The following MAML2 variants were observed in gnomAD, a reference collection of about 807,000 sequenced individuals.
MAML2 encodes mastermind like transcriptional coactivator 2.
Under a neutral mutation model 96.1 loss-of-function variants are expected in MAML2, and 22 were observed. The ratio of observed to expected loss-of-function variants is 0.23; its 90% CI spans 0.16 to 0.33. The LOEUF (loss-of-function observed/expected upper bound fraction) is 0.33. Ranked by LOEUF, MAML2 falls within the 10% of genes least tolerant of loss-of-function variation. The probability of loss-of-function intolerance (pLI) is 1.00; values close to 1 mark genes in which losing one functional copy is unlikely to be tolerated. For missense variants in MAML2, 1,367 were observed against 1,392.4 expected (o/e 0.98, Z 0.29); for synonymous variants, 561 against 521.3 (o/e 1.08, Z -1.04).
chr11:96,177,910 C>T (rs538444822), intron 1 of MAML2, among the ~76,000 whole-genome samples: 5 of 119,320 alleles, frequency 4.2e-5, no homozygotes, highest in African/African-American at 1.3e-4. Flanking sequence ...TATCTGGAGA[C>T]CTTAGTTGTG....
intron 2 of MAML2, among the ~76,000 whole-genome samples, chr11:96,017,955 T>A (rs1392538546): frequency 6.6e-6 from 1 of 152,166 alleles, no homozygotes; most frequent in Non-Finnish European, 1.5e-5. Context: ...ACATGATATA[T>A]GTTTTAAAGA....
At chr11:96,175,500 A>G (rs1008038047) in intron 1 of MAML2, among the ~76,000 whole-genome samples, 1 of 152,244 alleles carries the variant, frequency 6.6e-6, no homozygotes, top group Non-Finnish European at 1.5e-5. Flanking sequence ...TCTCCACTTT[A>G]GCAATATTTG....
intron 1 of MAML2, among the ~76,000 whole-genome samples, chr11:96,183,597 G>C (rs1342276197): frequency 6.6e-6 from 1 of 150,648 alleles, no homozygotes; most frequent in East Asian, 2.0e-4. Context: ...TGTAGCAACA[G>C]GGGGATCTCC....
chr11:96,326,444 T>C (rs910405878), intron 1 of MAML2, among the ~76,000 whole-genome samples: 16 of 151,538 alleles, frequency 1.1e-4, no homozygotes, highest in African/African-American at 3.9e-4. Context: ...GACCTTGGAG[T>C]CCAATTGCAT....
intron 2 of MAML2, among the ~76,000 whole-genome samples, chr11:96,050,005 C>T (rs1025488082): frequency 1.3e-5 from 2 of 152,154 alleles, no homozygotes; most frequent in Non-Finnish European, 2.9e-5. Flanking sequence ...ACGTTCTTTC[C>T]GAACAGTAAA....
chr11:96,068,917 T>C (rs1859293350), intron 2 of MAML2, among the ~76,000 whole-genome samples: 1 of 44,340 alleles, frequency 2.3e-5, no homozygotes, highest in Admixed American at 2.4e-4. Context: ...CTTCCCTCCT[T>C]TTTTTTTTTT....
intron 1 of MAML2, among the ~76,000 whole-genome samples, chr11:96,334,632 G>C (rs529486713): frequency 6.6e-6 from 1 of 152,172 alleles, no homozygotes; most frequent in African/African-American, 2.4e-5. Context: ...GAGGGCAAAG[G>C]CTATACTGAA....
chr11:96,144,999 C>A (rs1218664645), intron 1 of MAML2, among the ~76,000 whole-genome samples: 2 of 152,072 alleles, frequency 1.3e-5, no homozygotes, highest in African/African-American at 4.8e-5. Flanking sequence ...CTTTGTGATC[C>A]ATTAATAATA....
intron 1 of MAML2, among the ~76,000 whole-genome samples, chr11:96,126,231 A>G (rs1860435091): frequency 6.6e-6 from 1 of 152,190 alleles, no homozygotes; most frequent in Admixed American, 6.5e-5. Flanking sequence ...CAAGAATGTA[A>G]GATTTTCTGA....
At chr11:96,121,358 C>T (rs1273663637) in intron 1 of MAML2, among the ~76,000 whole-genome samples, 3 of 152,156 alleles carry the variant, frequency 2.0e-5, no homozygotes, top group Non-Finnish European at 4.4e-5. Flanking sequence ...CTTGAACTGC[C>T]TGCTATGGGG....
At chr11:96,291,113 G>GC (rs1863202098) in intron 1 of MAML2, among the ~76,000 whole-genome samples, 1 of 121,878 alleles carries the variant, frequency 8.2e-6, no homozygotes, top group Non-Finnish European at 1.7e-5. Context: ...TTTTTCACAA[G>GC]CCTTTTTTTT....
At chr11:96,318,996 C>T (rs1434198078) in intron 1 of MAML2, among the ~76,000 whole-genome samples, 1 of 152,144 alleles carries the variant, frequency 6.6e-6, no homozygotes, top group Non-Finnish European at 1.5e-5. Flanking sequence ...CTGGTTTGGC[C>T]TATGTGACCA....
At chr11:96,231,312 T>C (rs1389909305) in intron 1 of MAML2, among the ~76,000 whole-genome samples, 1 of 152,202 alleles carries the variant, frequency 6.6e-6, no homozygotes, top group African/African-American at 2.4e-5. Context: ...AAATGCGTTG[T>C]ATTGATTTCT....
chr11:96,234,689 G>C (rs908564392), intron 1 of MAML2, among the ~76,000 whole-genome samples: 2 of 151,876 alleles, frequency 1.3e-5, no homozygotes, highest in African/African-American at 4.8e-5. Flanking sequence ...GCACATACTT[G>C]CAAAATTAAA....
intron 2 of MAML2, among the ~76,000 whole-genome samples, chr11:96,033,471 TAATAGTTTCA>T (rs1214864387): frequency 1.3e-5 from 2 of 152,194 alleles, no homozygotes; most frequent in Admixed American, 1.3e-4. Context: ...TATGCTTAGG[TAATAGTTTCA>T]AGTCTGTAAG....
chr11:96,241,378 A>G (rs1375645102), intron 1 of MAML2, among the ~76,000 whole-genome samples: 1 of 152,204 alleles, frequency 6.6e-6, no homozygotes, highest in Non-Finnish European at 1.5e-5. Context: ...TGGGAGGCTG[A>G]CGACTATTCC....
intron 1 of MAML2, among the ~76,000 whole-genome samples, chr11:96,162,270 G>A (rs7121514): frequency 7.5e-6 from 1 of 133,050 alleles, no homozygotes; most frequent in Non-Finnish European, 1.5e-5. Flanking sequence ...TAATTCATAA[G>A]AGGCTCATAA....
intron 1 of MAML2, among the ~76,000 whole-genome samples, chr11:96,254,908 C>A (rs1206958600): frequency 6.6e-6 from 1 of 152,214 alleles, no homozygotes; most frequent in Non-Finnish European, 1.5e-5. Context: ...CAGCCTCTCC[C>A]AGGCTCAGGT....
At chr11:96,249,009 T>C (rs1157530951) in intron 1 of MAML2, among the ~76,000 whole-genome samples, 1 of 152,272 alleles carries the variant, frequency 6.6e-6, no homozygotes, top group Non-Finnish European at 1.5e-5. Context: ...CTGTTGTCAC[T>C]GCTTTTCAGA....
Sources: gnomAD v4.1 joint callset for allele counts (sites outside exome capture counted in the v4.1 genomes callset) on GRCh38, gnomAD v4.1.1 for gene constraint, MANE v1.5 for transcripts, NCBI Gene and HGNC (gene_info 2026-07-23, HGNC 2026-07-21) for gene names.